Variants in ABCA8 observed in about 807,000 individuals in gnomAD.
The protein encoded by ABCA8 is ABC-type organic anion transporter ABCA8.
ABCA8 carries 177 observed loss-of-function variants against 192.3 expected under a neutral mutation model. The ratio of observed to expected loss-of-function variants is 0.92; its 90% CI spans 0.81 to 1.04. The LOEUF (loss-of-function observed/expected upper bound fraction) is 1.04, where lower values mean the gene tolerates loss of function less well. Ranked by LOEUF, ABCA8 falls within the 50% of genes least tolerant of loss-of-function variation. ABCA8 has a pLI of 0.00. For missense variants in ABCA8, 1,915 were observed against 1,904.8 expected (o/e 1.01, Z -0.10); for synonymous variants, 642 against 690.2 (o/e 0.93, Z 1.09).
chr17:68,935,811 C>A (rs1048779604), intron 5 of ABCA8, among the ~76,000 whole-genome samples: 1 of 151,918 alleles, frequency 6.6e-6, no homozygotes, highest in African/African-American at 2.4e-5. Context: ...CTTCTACCAA[C>A]GATGTATAAG....
rs141905033 is a variant in ABCA8 at position 68,903,373 on chromosome 17, C to A, written c.2525G>T (p.Arg842Leu). 4 of 1,614,038 alleles carry A rather than the reference C, an allele frequency of 2.5e-6. No individual in the cohort carries two copies. The highest frequency in any genetic ancestry group is 2.7e-5 in the African/African-American group (2 of 74,930). The part of the protein sequence containing the change: ...RKTIGGVALW[R>L]QQICAIARVR... ...CCTTGCAATTGCGCAGATTTGCTGT[C>A]GCCAGAGAGCCACACCACCTATTGT... Residue 842 changes from arginine (R) to leucine (L), a missense_variant, in exon 20 of 40, where the codon CGA (arginine) becomes CTA (leucine). Physicochemically the swap from Arg to Leu is moderately radical, Grantham distance 102 (BLOSUM62 -2). Transcript: ENST00000586539.
intron 9 of ABCA8, 112 bp downstream of exon 9, chr17:68,928,937 G>A (rs189020102): frequency 3.7e-4 from 338 of 916,206 alleles, no homozygotes; most frequent in East Asian, 1.8e-3. Flanking sequence ...AACAGCCTTC[G>A]CTAGAATTTT....
At position 68,929,086 on chromosome 17, in the gene ABCA8, A is replaced by C; in HGVS notation, c.1088T>G (p.Leu363Trp). The change falls in exon 9 of 40, where the codon TTG (leucine) becomes TGG (tryptophan). Residue 363 changes from leucine (L) to tryptophan (W), a missense_variant. Physicochemically the swap from Leu to Trp is moderately conservative, Grantham distance 61. Coordinates refer to ENST00000586539, the MANE Select transcript of ABCA8 (RefSeq NM_001288985.2). ...AAGCATGAAGGCAAAGGGACTAAGCAAGCTTAAAATCCACTCCAAGGATGC... is the reference window on the plus strand; with the variant it reads ...AAGCATGAAGGCAAAGGGACTAAGCCAGCTTAAAATCCACTCCAAGGATGC... The part of the protein sequence containing the change: ...LPASLEWILS[L>W]LSPFAFMLGM... 2.5e-6 allele frequency: 4 copies of C among 1,598,816 alleles called. No individual in the cohort carries two copies. Among genetic ancestry groups the C allele is most frequent in the Non-Finnish European group, 2.6e-6 (3 of 1,171,882 alleles).
chr17:68,946,158 C>A (rs1245240364), intron 2 of ABCA8, among the ~76,000 whole-genome samples: 1 of 151,984 alleles, frequency 6.6e-6, no homozygotes, highest in Admixed American at 6.6e-5. Context: ...ATCTCCGCCT[C>A]CCAGGTTCAA....
At position 68,929,620 on chromosome 17, in the gene ABCA8, T is replaced by A. The variant is rs1387955583; in HGVS notation, c.880A>T (p.Ile294Phe). The A allele has an allele frequency of 6.2e-7, 1 of 1,613,752 alleles. No homozygotes were observed. Among genetic ancestry groups the A allele is most frequent in the Admixed American group, 1.7e-5 (1 of 60,008 alleles). The change falls in exon 8 of 40, where the codon ATC becomes TTC. Residue 294 changes from isoleucine (I) to phenylalanine (F), a missense_variant. Ile to Phe is a conservative substitution (Grantham distance 21). Transcript: ENST00000586539. The stretch of plus-strand genomic sequence containing the variant: ...ACTACCATGAAGCCAGACAAAATGA[T>A]AAACTGGGTAGATCTTATAACAAGT... ...LALVIRSTQF[I>F]ILSGFMVVFS...
intron 14 of ABCA8, 25 bp downstream of exon 14, chr17:68,919,276 C>T (rs1320799365): frequency 3.8e-6 from 6 of 1,573,304 alleles, no homozygotes; most frequent in Non-Finnish European, 5.2e-6. Context: ...TTGACCAACA[C>T]ATTAACTTTA....
intron 23 of ABCA8, among the ~76,000 whole-genome samples, chr17:68,892,796 G>A (rs962989123): frequency 6.6e-6 from 1 of 152,118 alleles, no homozygotes; most frequent in African/African-American, 2.4e-5. Flanking sequence ...TACTTCCTGA[G>A]TACAGTGAGA....
chr17:68,894,275 T>A lies in ABCA8; in HGVS notation c.2934A>T (p.Arg978Ser). The A allele has an allele frequency of 6.2e-7, 1 of 1,611,622 alleles. No homozygotes were observed. The highest frequency in any genetic ancestry group is 8.5e-7 in the Non-Finnish European group (1 of 1,179,460). Residue 978 changes from arginine (R) to serine (S), a missense_variant, in exon 23 of 40, where the codon AGA becomes AGT. Transcript: ENST00000586539. ...CCATAAGAACTGGGAAGCAATTCAA[T>A]CTTTTGGCATTGCATGCTAACGAAA... ...YSFSLACNAK[R>S]LNCFPVLMDI... is the part of the protein sequence containing the mutation.
chr17:68,875,131 T>G (rs1051540500), intron 37 of ABCA8, 129 bp downstream of exon 37: 1 of 1,310,574 alleles, frequency 7.6e-7, no homozygotes, highest in Non-Finnish European at 1.0e-6. Context: ...CTTCTCTAGT[T>G]TACTTCCTGC....
chr17:68,877,680 C>G lies in ABCA8; in HGVS notation c.4039-1G>C. The G allele has an allele frequency of 6.2e-7, 1 of 1,608,500 alleles. No individual in the cohort carries two copies. The highest frequency in any genetic ancestry group is 1.1e-5 in the South Asian group (1 of 90,208). On this transcript the variant is annotated splice_acceptor_variant, in intron 32 of 39. Coordinates refer to ENST00000586539, the MANE Select transcript of ABCA8 (RefSeq NM_001288985.2). LOFTEE classifies it high-confidence loss of function. Reference sequence around the variant, plus strand: ...CTCCACCGCTCCCTTTCAGTAGCACCTGCAGATGAAAGTTCCCTCTCAGAA... The same window carrying G: ...CTCCACCGCTCCCTTTCAGTAGCACGTGCAGATGAAAGTTCCCTCTCAGAA...
chr17:68,917,237 G>A (rs141819845), intron 17 of ABCA8, 124 bp downstream of exon 17: 20 of 591,712 alleles, frequency 3.4e-5, no homozygotes, highest in East Asian at 5.9e-5. Flanking sequence ...TCGATACTCC[G>A]TCTCAAAAAC....
intron 6 of ABCA8, among the ~76,000 whole-genome samples, chr17:68,932,834 T>C (rs1212255702): frequency 2.0e-5 from 3 of 152,244 alleles, no homozygotes; most frequent in Non-Finnish European, 2.9e-5. Flanking sequence ...TGGAATGTTA[T>C]TTCAATTAGG....
chr17:68,944,318 ATATAT>A (rs2068321850), intron 2 of ABCA8, among the ~76,000 whole-genome samples: 608 of 55,056 alleles, frequency 0.011, 51 homozygotes, highest in Middle Eastern at 0.07. Context: ...ACTTAAAGTT[ATATAT>A]ATATATATAT....
chr17:68,902,704 C>G lies in ABCA8; in HGVS notation c.2764+9G>C. Reference sequence around the variant, plus strand: ...AATGTATTTGGAAATCAAGTATCCACCATTTTACCTGTTTTATTGATGATC... The same window carrying G: ...AATGTATTTGGAAATCAAGTATCCAGCATTTTACCTGTTTTATTGATGATC... On this transcript the variant is annotated intron_variant, in intron 21 of 39. Transcript: ENST00000586539. The G allele has an allele frequency of 6.2e-7, 1 of 1,608,148 alleles. No homozygotes were observed. The highest frequency in any genetic ancestry group is 8.5e-7 in the Non-Finnish European group (1 of 1,175,188).
intron 10 of ABCA8, 101 bp from the exon 11 acceptor site, chr17:68,924,970 CTGAACA>C: frequency 7.9e-7 from 1 of 1,262,150 alleles, no homozygotes; most frequent in Non-Finnish European, 1.1e-6. Flanking sequence ...GTTGCTAAAC[CTGAACA>C]TGTGGTCAAC....
In ABCA8 at chr17:68,932,307, G is replaced by A. The variant is rs372117339; in HGVS notation, c.778C>T (p.Leu260Phe). 6.2e-7 allele frequency: 1 copy of A among 1,612,640 alleles called. No homozygotes were observed. The highest frequency in any genetic ancestry group is 8.5e-7 in the Non-Finnish European group (1 of 1,178,898). ...RMKALMTMMG[L>F]RDSAFWLSWG... Reference sequence around the variant, plus strand: ...ACTCACCAGAACGCTGAATCCCGAAGACCCATCATTGTCATCAAGGCCTTC... The same window carrying A: ...ACTCACCAGAACGCTGAATCCCGAAAACCCATCATTGTCATCAAGGCCTTC... Residue 260 changes from leucine (L) to phenylalanine (F), a missense_variant, in exon 7 of 40, where the codon CTT (leucine) becomes TTT (phenylalanine). Transcript: ENST00000586539.
chr17:68,933,225 T>C lies in ABCA8; in HGVS notation c.513A>G (p.Val171=). ...GAGCCACAAAACCTTCCTTCCAAAA[T>C]ACTGAAACTTCACAGTAAACATCTT... is the stretch of plus-strand genomic sequence containing the variant. The part of the protein sequence containing the change: ...TNEDVYCEVS[V]FWKEGFVALQ... Residue 171 remains valine, a synonymous_variant, in exon 6 of 40, where the codon GTA becomes GTG. Transcript: ENST00000586539. The C allele has an allele frequency of 6.2e-7, 1 of 1,613,328 alleles. No homozygotes were observed.
chr17:68,876,240 G>A (rs1598182439), intron 35 of ABCA8: 1 of 604,526 alleles, frequency 1.7e-6, no homozygotes, highest in East Asian at 2.9e-5. Flanking sequence ...GAGACCTATG[G>A]GCCCTAACAA....
Position 68,918,433 on chromosome 17 carries a change from A to C in ABCA8, c.1902T>G (p.Asp634Glu). Residue 634 changes from aspartate (D) to glutamate (E), a missense_variant, in exon 15 of 40, where the codon GAT becomes GAG. Coordinates refer to ENST00000586539, the MANE Select transcript of ABCA8 (RefSeq NM_001288985.2). ...KLTFGIAILG[D>E]PQIFLLDEPT... Reference sequence around the variant, plus strand: ...CAAATTCAATGTGACTCACCTGAGGATCTCCTAAAATGGCAATCCCAAAGG... The same window carrying C: ...CAAATTCAATGTGACTCACCTGAGGCTCTCCTAAAATGGCAATCCCAAAGG... 6.4e-7 allele frequency: 1 copy of C among 1,573,482 alleles called. No homozygotes were observed. Among genetic ancestry groups the C allele is most frequent in the Non-Finnish European group, 8.6e-7 (1 of 1,163,842 alleles).
Sources: gnomAD v4.1 joint callset for allele counts (sites outside exome capture counted in the v4.1 genomes callset) on GRCh38, gnomAD v4.1.1 for gene constraint, MANE v1.5 for transcripts, NCBI Gene and HGNC (gene_info 2026-07-23, HGNC 2026-07-21) for gene names.